The following KLF8 variants were observed in gnomAD, a reference collection of about 807,000 sequenced individuals.
KLF8 encodes Krueppel-like factor 8.
In KLF8, 10 loss-of-function variants were observed where a neutral mutation model predicts 18.2. The observed-to-expected ratio is 0.55, with a 90% CI of 0.34 to 0.93. KLF8 has a LOEUF of 0.93. Ranked by LOEUF, KLF8 falls within the 40% of genes least tolerant of loss-of-function variation. The pLI is 0.02. For missense variants in KLF8, 264 were observed against 277.9 expected (o/e 0.95, Z 0.36); for synonymous variants, 109 against 97.3 (o/e 1.12, Z -0.71).
the KLF8 span, among the ~76,000 whole-genome samples, chrX:56,177,086 CCTT>C: frequency 9.0e-6 from 1 of 111,414 alleles, no homozygotes; most frequent in Non-Finnish European, 1.9e-5. Context: ...TCGTCTGAAG[CCTT>C]CTTCTCTCAA....
At chrX:56,026,035 A>G in the KLF8 span, among the ~76,000 whole-genome samples, 1 of 112,041 alleles carries the variant, frequency 8.9e-6, no homozygotes, top group East Asian at 2.8e-4. Context: ...AGACCAGTCA[A>G]CTTCCGGGTT....
chrX:56,173,305 G>C, the KLF8 span, among the ~76,000 whole-genome samples: 1 of 111,871 alleles, frequency 8.9e-6, no homozygotes, highest in Non-Finnish European at 1.9e-5. Flanking sequence ...TCCAGTTTCA[G>C]CTTTCTACAT....
chrX:55,926,102 C>T, the KLF8 span, among the ~76,000 whole-genome samples: 1 of 111,792 alleles, frequency 8.9e-6, no homozygotes, highest in Non-Finnish European at 1.9e-5. Flanking sequence ...TATTTGTGGT[C>T]ATGATGTGTA....
chrX:56,034,901 G>A, the KLF8 span, among the ~76,000 whole-genome samples: 2 of 105,254 alleles, frequency 1.9e-5, no homozygotes, highest in East Asian at 3.0e-4. Context: ...GACTACAGGC[G>A]CCCGCTACCA....
chrX:55,912,308 C>G, the KLF8 span, among the ~76,000 whole-genome samples: 1 of 111,018 alleles, frequency 9.0e-6, no homozygotes, highest in Non-Finnish European at 1.9e-5. Context: ...TCCCAATACA[C>G]CTAAGGAATA....
the KLF8 span, chrX:55,962,541 G>A: frequency 6.2e-6 from 1 of 160,004 alleles, no homozygotes; most frequent in South Asian, 1.3e-4. Flanking sequence ...GCTATTGGGA[G>A]CTTCACAAAG....
At chrX:56,103,721 T>G in the KLF8 span, among the ~76,000 whole-genome samples, 2 of 111,432 alleles carry the variant, frequency 1.8e-5, no homozygotes, top group African/African-American at 3.3e-5. Flanking sequence ...CCTGCCTGAT[T>G]GCCCTGGCCA....
the KLF8 span, among the ~76,000 whole-genome samples, chrX:56,028,060 G>A: frequency 5.3e-5 from 6 of 112,288 alleles, no homozygotes; most frequent in African/African-American, 1.9e-4. Flanking sequence ...CCATCTAGCT[G>A]TTTTGAGAGG....
chrX:55,993,293 G>A, the KLF8 span, among the ~76,000 whole-genome samples: 3 of 111,579 alleles, frequency 2.7e-5, no homozygotes, highest in Non-Finnish European at 5.6e-5. Context: ...AGTTTGTTGA[G>A]GGTTTCTAAC....
the KLF8 span, among the ~76,000 whole-genome samples, chrX:56,019,393 G>A: frequency 1.8e-5 from 2 of 112,211 alleles, no homozygotes; most frequent in African/African-American, 6.5e-5. Flanking sequence ...AGAATACCTA[G>A]GAATAAAATG....
chrX:56,054,060 G>C, the KLF8 span, among the ~76,000 whole-genome samples: 1 of 110,653 alleles, frequency 9.0e-6, no homozygotes, highest in Non-Finnish European at 1.9e-5. Flanking sequence ...GCTTTTTCTT[G>C]GTTCTCTAGT....
At chrX:55,911,487 A>G in the KLF8 span, among the ~76,000 whole-genome samples, 1 of 112,510 alleles carries the variant, frequency 8.9e-6, no homozygotes, top group Non-Finnish European at 1.9e-5. Flanking sequence ...TGTGAAAATT[A>G]TTTGCTTGGA....
chrX:56,150,552 G>A, the KLF8 span, among the ~76,000 whole-genome samples: 1 of 111,181 alleles, frequency 9.0e-6, no homozygotes. Context: ...TATCAATGAA[G>A]GAAAGACAAG....
chrX:56,048,098 G>A, the KLF8 span, among the ~76,000 whole-genome samples: 8 of 111,313 alleles, frequency 7.2e-5, no homozygotes, highest in Admixed American at 4.8e-4. Context: ...TCCTTTGCCC[G>A]TGTTTTGATG....
At chrX:56,048,683 G>C in the KLF8 span, among the ~76,000 whole-genome samples, 3 of 111,915 alleles carry the variant, frequency 2.7e-5, no homozygotes, top group Non-Finnish European at 5.6e-5. Flanking sequence ...TTGTAGTATA[G>C]TTTGAAGTCA....
chrX:56,237,551 T>C (rs1223540682), intron 1 of KLF8, among the ~76,000 whole-genome samples: 2 of 111,616 alleles, frequency 1.8e-5, no homozygotes, highest in Non-Finnish European at 3.8e-5. Flanking sequence ...TATATGCACA[T>C]TTTTTAAATG....
chrX:56,192,303 A>G, the KLF8 span, among the ~76,000 whole-genome samples: 53 of 111,840 alleles, frequency 4.7e-4, no homozygotes, highest in Non-Finnish European at 8.7e-4. Flanking sequence ...ACTATAAAAC[A>G]TTGATGCAAT....
chrX:56,257,194 T>G (rs187538167), intron 2 of KLF8, among the ~76,000 whole-genome samples: 1 of 111,470 alleles, frequency 9.0e-6, no homozygotes, highest in East Asian at 2.8e-4. Context: ...GTTTTCTGAG[T>G]GTCTTAAGGT....
the KLF8 span, among the ~76,000 whole-genome samples, chrX:56,031,377 G>T: frequency 8.9e-6 from 1 of 112,179 alleles, no homozygotes; most frequent in Non-Finnish European, 1.9e-5. Flanking sequence ...CAAAAGTGCC[G>T]ATACAGGCAT....
Sources: allele counts gnomAD v4.1 joint callset (sites outside exome capture counted in the v4.1 genomes callset), GRCh38; gene constraint gnomAD v4.1.1; transcripts MANE v1.5; gene names NCBI Gene and HGNC (gene_info 2026-07-23, HGNC 2026-07-21).